ATP8A1: variants seen among roughly 807,000 people sequenced by gnomAD.
The protein encoded by ATP8A1 is ATPase phospholipid transporting 8A1, also known as phospholipid-transporting ATPase IA.
Under a neutral mutation model 177.7 loss-of-function variants are expected in ATP8A1, and 90 were observed. That is an observed-to-expected ratio of 0.51 (90% CI 0.43 to 0.60). ATP8A1 has a LOEUF of 0.60. Among genes scored for constraint, ATP8A1 ranks in the 20% least tolerant of loss-of-function variants. The pLI, the probability that ATP8A1 is intolerant of heterozygous loss-of-function variation, is 0.00. For synonymous variants in ATP8A1, 493 were observed against 485.9 expected (o/e 1.01, Z -0.19); for missense variants, 1,072 against 1,392.8 (o/e 0.77, Z 3.67).
rs1553903246 is a variant in ATP8A1 at position 42,555,139 on chromosome 4, A to ATCTATCTAATCAATCT, written c.1413+828_1413+829insAGATTGATTAGATAGA. Among the ~76,000 whole-genome samples, 10 of 59,558 alleles carry ATCTATCTAATCAATCT rather than the reference A, an allele frequency of 1.7e-4. 1 individual carries two copies. The East Asian group carries it at 4.3e-3, about 25-fold the overall frequency. The allele number at this position is 59,558 out of a possible 152,430, so 39.1% of individuals were successfully genotyped here. A position where few individuals can be genotyped will look rare whatever the true frequency, so the allele number is the denominator to read the frequency against. Reference sequence around the variant, plus strand: ...TATCTATCTATCTATCTATCTATCTAATCTATCTATCTATCTATCTATCTA... The same window carrying ATCTATCTAATCAATCT: ...TATCTATCTATCTATCTATCTATCTATCTATCTAATCAATCTATCTATCTATCTATCTATCTATCTA... On this transcript the variant is annotated intron_variant, in intron 16 of 36. Coordinates refer to ENST00000381668, the MANE Select transcript of ATP8A1 (RefSeq NM_006095.2).
intron 9 of ATP8A1, among the ~76,000 whole-genome samples, 194 bp from the exon 10 acceptor site, chr4:42,581,926 C>T (rs1281184413): frequency 1.3e-5 from 2 of 152,152 alleles, no homozygotes; most frequent in Admixed American, 6.5e-5. Context: ...TTTTCCTTAA[C>T]ACCAACCAGT....
chr4:42,593,608 TAAAC>T (rs1033153979), intron 6 of ATP8A1, among the ~76,000 whole-genome samples: 2 of 152,176 alleles, frequency 1.3e-5, no homozygotes, highest in East Asian at 3.9e-4. Flanking sequence ...GAAATGATGA[TAAAC>T]AACCTCTAAA....
intron 25 of ATP8A1, chr4:42,471,876 C>A (rs768613349): frequency 6.4e-6 from 4 of 621,746 alleles, no homozygotes; most frequent in Non-Finnish European, 9.4e-6. Context: ...AAGAGTCCGG[C>A]ATCTTTCAGG....
chr4:42,468,111 A>G lies in ATP8A1; in HGVS notation c.2325-3035T>C, dbSNP rs540385367. On this transcript the variant is annotated intron_variant, in intron 25 of 36. Coordinates refer to ENST00000381668, the MANE Select transcript of ATP8A1 (RefSeq NM_006095.2). The stretch of plus-strand genomic sequence containing the variant: ...GGTGTGGATACGGTGATCAGGGAAC[A>G]CTTCTACACCGCTGGTGGGAATGTA... Among the ~76,000 whole-genome samples the G allele has an allele frequency of 5.9e-5, 9 of 152,310 alleles. No individual in the cohort carries two copies. The East Asian group carries it at 1.7e-3, about 29-fold the overall frequency.
chr4:42,435,426 C>CAAAAAAAAAAAA (rs55945370), intron 33 of ATP8A1, among the ~76,000 whole-genome samples: 33 of 93,964 alleles, frequency 3.5e-4, no homozygotes, highest in African/African-American at 7.1e-4. Context: ...GACTTCATCT[C>CAAAAAAAAAAAA]AAAAAAAAAA....
In ATP8A1 at chr4:42,441,384, TTGAGA is replaced by T. The variant is rs547570930; in HGVS notation, c.3123+2176_3123+2180del. 4.3e-3 allele frequency among the ~76,000 whole-genome samples: 652 copies of T among 152,190 alleles called. 4 individuals are homozygous for T. The highest frequency in any genetic ancestry group is 0.015 in the African/African-American group (620 of 41,518). On this transcript the variant is annotated intron_variant, in intron 33 of 36. Transcript: ENST00000381668. ...TGTATATATTTGGCTATATTCTTGA[TTGAGA>T]TAAGAATTTTAAGATTAGAAAAATA...
chr4:42,528,358 T>C (rs1013847366), intron 20 of ATP8A1, among the ~76,000 whole-genome samples: 3 of 151,944 alleles, frequency 2.0e-5, no homozygotes, highest in Non-Finnish European at 2.9e-5. Flanking sequence ...CCTGGAGGGA[T>C]TACAGAGATT....
At chr4:42,443,797 G>C in intron 32 of ATP8A1, 125 bp from the exon 33 acceptor site, 1 of 577,338 alleles carries the variant, frequency 1.7e-6, no homozygotes, top group South Asian at 2.3e-5. Context: ...ATCTATAGGA[G>C]TTTCTACCTA....
At chr4:42,576,933 G>C (rs543762799) in intron 12 of ATP8A1, among the ~76,000 whole-genome samples, 96 of 152,284 alleles carry the variant, frequency 6.3e-4, no homozygotes, top group South Asian at 1.0e-3. Flanking sequence ...CTATCATTCA[G>C]AAACAAGATT....
chr4:42,602,791 AAAAT>A (rs140631699), intron 5 of ATP8A1, among the ~76,000 whole-genome samples: 176 of 151,124 alleles, frequency 1.2e-3, no homozygotes, highest in South Asian at 5.0e-3. Flanking sequence ...AAATAAAATT[AAAAT>A]AAATAAATAA....
rs535259191 is a variant in ATP8A1 at position 42,564,559 on chromosome 4, G to A, written c.1340+4602C>T. The stretch of plus-strand genomic sequence containing the variant: ...CTGCCCTGCTGGATTCTGGACTTGC[G>A]TGGGGCCTGTAGCTCCTTTGTTTTG... On this transcript the variant is annotated intron_variant, in intron 15 of 36. Transcript: ENST00000381668. 2.6e-5 allele frequency among the ~76,000 whole-genome samples: 4 copies of A among 152,322 alleles called. No individual in the cohort carries two copies. In the East Asian group the frequency reaches 5.8e-4, roughly 22 times the overall value.
intron 25 of ATP8A1, among the ~76,000 whole-genome samples, chr4:42,483,392 A>AC (rs1409472129): frequency 2.6e-5 from 4 of 151,716 alleles, no homozygotes; most frequent in Non-Finnish European, 5.9e-5. Context: ...AAAAAAAAAA[A>AC]ACCTTAAAAC....
Position 42,624,613 on chromosome 4 carries a change from T to G in ATP8A1, c.286A>C (p.Thr96Pro). Residue 96 changes from threonine (T) to proline (P), a missense_variant, in exon 4 of 37, where the codon ACA (threonine) becomes CCA (proline). Around this residue, in one of 5 missense-constraint regions of ATP8A1, gnomAD observed 344 missense variants for 393.5 expected, o/e 0.87. Coordinates refer to ENST00000381668, the MANE Select transcript of ATP8A1 (RefSeq NM_006095.2). ...GGAACCAGTGTTGTATAACGACCTG[T>G]TGGTGACACATCAGGTATTTGCTGT... ...LLQQIPDVSP[T>P]GRYTTLVPLL... 1 of 1,457,282 alleles carries G rather than the reference T, an allele frequency of 6.9e-7. No homozygotes were observed. Among genetic ancestry groups the G allele is most frequent in the Non-Finnish European group, 9.1e-7 (1 of 1,097,946 alleles). The allele number at this position is 1,457,282 out of a possible 1,614,324, so 90.3% of individuals were successfully genotyped here. A position where few individuals can be genotyped will look rare whatever the true frequency, so the allele number is the denominator to read the frequency against.
At chr4:42,435,439 A>ACC (rs1209041904) in intron 33 of ATP8A1, among the ~76,000 whole-genome samples, 1 of 103,662 alleles carries the variant, frequency 9.6e-6, no homozygotes, top group African/African-American at 4.2e-5. Flanking sequence ...AAAAAAAAAA[A>ACC]AAAAAAAAAA....
intron 6 of ATP8A1, among the ~76,000 whole-genome samples, chr4:42,598,354 A>T (rs904138374): frequency 6.6e-6 from 1 of 152,094 alleles, no homozygotes; most frequent in Non-Finnish European, 1.5e-5. Context: ...ACTATATTTT[A>T]TTCTATACTA....
intron 5 of ATP8A1, among the ~76,000 whole-genome samples, chr4:42,614,593 G>C (rs371428974): frequency 6.6e-6 from 1 of 151,934 alleles, no homozygotes; most frequent in African/African-American, 2.4e-5. Context: ...CCACATGTTC[G>C]GCCTGTCTCG....
At chr4:42,584,719 C>T (rs963675235) in intron 9 of ATP8A1, among the ~76,000 whole-genome samples, 13 of 152,212 alleles carry the variant, frequency 8.5e-5, no homozygotes, top group Admixed American at 3.3e-4. Flanking sequence ...CTTCCATCCT[C>T]ATGGCTTTAA....
intron 12 of ATP8A1, among the ~76,000 whole-genome samples, chr4:42,576,699 A>G (rs1464536092): frequency 6.6e-6 from 1 of 152,080 alleles, no homozygotes; most frequent in African/African-American, 2.4e-5. Context: ...TGTATTCTGA[A>G]CTGATCAACA....
chr4:42,441,114 C>G (rs555764041), intron 33 of ATP8A1, among the ~76,000 whole-genome samples: 1 of 152,068 alleles, frequency 6.6e-6, no homozygotes, highest in African/African-American at 2.4e-5. Flanking sequence ...TGTTTCATTA[C>G]GTGGATATCA....
Sources: gnomAD v4.1 joint callset for allele counts (sites outside exome capture counted in the v4.1 genomes callset) on GRCh38, gnomAD v4.1.1 for gene constraint, gnomAD v4.1.1 regional missense constraint, MANE v1.5 for transcripts, NCBI Gene and HGNC (gene_info 2026-07-23, HGNC 2026-07-21) for gene names.